HIP1R: variants seen among roughly 807,000 people sequenced by gnomAD.
HIP1R encodes the protein huntingtin interacting protein 1 related.
HIP1R carries 135 observed loss-of-function variants against 144.2 expected under a neutral mutation model. That is an observed-to-expected ratio of 0.94 (90% CI 0.81 to 1.08). The LOEUF is 1.08. HIP1R is among the 50% of genes least tolerant of loss of function. The probability of loss-of-function intolerance (pLI) is 0.00; values close to 1 mark genes in which losing one functional copy is unlikely to be tolerated. For missense variants in HIP1R, 1,462 were observed against 1,432.8 expected, an observed-to-expected ratio of 1.02 and a Z score of -0.33; for synonymous variants, 698 against 612.8, an observed-to-expected ratio of 1.14 and a Z score of -2.05.
In HIP1R at chr12:122,859,060, G is replaced by T; in HGVS notation, c.2159-1G>T. The T allele has an allele frequency of 6.2e-7, 1 of 1,606,016 alleles. No homozygotes were observed. The highest frequency in any genetic ancestry group is 2.2e-5 in the East Asian group (1 of 44,482). ...CCACTCACGGTCCTTTCTCACCCCA[G>T]GCCTCATAGACACCTGCAGGGAGTG... On this transcript the variant is annotated splice_acceptor_variant, in intron 21 of 31. Transcript: ENST00000253083. LOFTEE classifies it high-confidence loss of function.
chr12:122,860,251 C>A (rs1426574076), intron 26 of HIP1R, 41 bp downstream of exon 26: 2 of 1,535,826 alleles, frequency 1.3e-6, no homozygotes, highest in South Asian at 1.2e-5. Context: ...CACAAGGAGC[C>A]TGACCCCCAG....
At position 122,855,906 on chromosome 12, in the gene HIP1R, G is replaced by GC. The variant is rs11418615; in HGVS notation, c.1128+4dup. The GC allele has an allele frequency of 0.87, 1,342,822 of 1,549,706 alleles. 583,733 individuals are homozygous for GC. Among genetic ancestry groups the GC allele is most frequent in the Admixed American group, 0.92 (48,155 of 52,098 alleles). On this transcript the variant is annotated splice_donor_region_variant and intron_variant, in intron 13 of 31. Coordinates refer to ENST00000253083, the MANE Select transcript of HIP1R (RefSeq NM_003959.3). ...AACTGGAGAAGATCAAGCTGGAGGT[G>GC]CGGGGTGGGGATGGGTGGGGGCCAG...
chr12:122,861,325 G>A lies in HIP1R; in HGVS notation c.2970G>A (p.Leu990=). ...EMETQVRVLE[L]EKTLEAERMR... is the part of the protein sequence containing the mutation. ...GGCTACAGGTGCGTGTCCTGGAGCT[G>A]GAGAAGACGCTGGAGGCTGAACGCA... The change falls in exon 31 of 32, where the codon CTG becomes CTA. Residue 990 remains leucine, a synonymous_variant. Coordinates refer to ENST00000253083, the MANE Select transcript of HIP1R (RefSeq NM_003959.3). 6.2e-7 allele frequency: 1 copy of A among 1,613,758 alleles called. No individual in the cohort carries two copies. Among genetic ancestry groups the A allele is most frequent in the South Asian group, 1.1e-5 (1 of 91,084 alleles).
At chr12:122,853,085 G>A (rs2033447740) in intron 7 of HIP1R, among the ~76,000 whole-genome samples, 2 of 152,136 alleles carry the variant, frequency 1.3e-5, no homozygotes, top group African/African-American at 4.8e-5. Context: ...CTGTCTGGCC[G>A]CTCTCCCGTG....
intron 7 of HIP1R, among the ~76,000 whole-genome samples, chr12:122,853,010 G>T (rs1347987817): frequency 1.3e-5 from 2 of 152,140 alleles, no homozygotes; most frequent in Non-Finnish European, 2.9e-5. Context: ...TTTGCAAGTG[G>T]TCCCATCACA....
chr12:122,854,978 G>A lies in HIP1R; in HGVS notation c.776+16G>A, dbSNP rs1413857019. On this transcript the variant is annotated intron_variant, in intron 9 of 31. Transcript: ENST00000253083. ...AGTTTCACAGGTACTGCCTGGGACAGGGACAGGATTGAGGCCGGTGGGGGA... is the reference window on the plus strand; with the variant it reads ...AGTTTCACAGGTACTGCCTGGGACAAGGACAGGATTGAGGCCGGTGGGGGA... 1 of 1,613,096 alleles carries A rather than the reference G, an allele frequency of 6.2e-7. No homozygotes were observed. The highest frequency in any genetic ancestry group is 1.1e-5 in the South Asian group (1 of 91,076).
intron 22 of HIP1R, 49 bp downstream of exon 22, chr12:122,859,246 C>A: frequency 6.5e-7 from 1 of 1,544,434 alleles, no homozygotes; most frequent in Non-Finnish European, 8.8e-7. Flanking sequence ...CTGCCTCTGA[C>A]CTCTGCACCC....
chr12:122,838,017 TGCTGTG>T (rs2032956152), intron 1 of HIP1R, among the ~76,000 whole-genome samples: 1 of 132,936 alleles, frequency 7.5e-6, no homozygotes, highest in South Asian at 2.4e-4. Context: ...CAGCACTGTG[TGCTGTG>T]GCAGGAGCAC....
At chr12:122,851,634 A>C (rs950118373) in intron 7 of HIP1R, among the ~76,000 whole-genome samples, 4 of 151,740 alleles carry the variant, frequency 2.6e-5, no homozygotes, top group East Asian at 1.9e-4. Context: ...TGGGCGGCGG[A>C]GATCATGCCG....
At chr12:122,860,565 GCCAGTTGGA>G (rs753885547) in intron 27 of HIP1R, 42 bp downstream of exon 27, 28 of 1,584,894 alleles carry the variant, frequency 1.8e-5, no homozygotes, top group Non-Finnish European at 2.3e-5. Context: ...GCTGCTTCCT[GCCAGTTGGA>G]GCAGTTTGGG....
chr12:122,855,330 C>G lies in HIP1R; in HGVS notation c.918C>G (p.Pro306=). ...ACATCAAGCCGGTGGTGGTGATCCC[C>G]GAGGAGGCCCCGGAAGATGAGGAGC... ...AEHIKPVVVI[P]EEAPEDEEPE... The change falls in exon 11 of 32, where the codon CCC becomes CCG. Residue 306 remains proline, a synonymous_variant. Transcript: ENST00000253083. 2 of 1,611,494 alleles carry G rather than the reference C, an allele frequency of 1.2e-6. No individual in the cohort carries two copies. The highest frequency in any genetic ancestry group is 2.2e-5 in the East Asian group (1 of 44,774).
rs770963752 is a variant in HIP1R, at chr12:122,859,764, G to C, written c.2407-8G>C. 2.5e-6 allele frequency: 4 copies of C among 1,612,624 alleles called. No individual in the cohort carries two copies. The African/African-American group carries it at 5.3e-5, about 22-fold the overall frequency. ...CCAGCCAGCTCACGGCTCTGTTCTT[G>C]GGTGCAGGACATGATGAACCAGGCA... On this transcript the variant is annotated splice_polypyrimidine_tract_variant and splice_region_variant and intron_variant, in intron 23 of 31. Coordinates refer to ENST00000253083, the MANE Select transcript of HIP1R (RefSeq NM_003959.3).
chr12:122,838,774 G>T (rs766421644), intron 1 of HIP1R, among the ~76,000 whole-genome samples: 6 of 152,202 alleles, frequency 3.9e-5, no homozygotes, highest in Non-Finnish European at 5.9e-5. Context: ...GTCTTTAAAT[G>T]TGGACAAGGG....
upstream of HIP1R, chr12:122,834,928 T>C (rs548968897): frequency 7.0e-6 from 9 of 1,288,830 alleles, no homozygotes; most frequent in African/African-American, 1.1e-4. Context: ...AGCGTCTATC[T>C]GTGCTGCCAC....
rs1029898945 is a variant in HIP1R, at chr12:122,835,661, G to A, written c.93+18G>A. 4.1e-6 allele frequency: 4 copies of A among 966,864 alleles called. No individual in the cohort carries two copies. The highest frequency in any genetic ancestry group is 6.8e-5 in the African/African-American group (2 of 29,426). The allele number at this position is 966,864 out of a possible 1,614,324, so 59.9% of individuals were successfully genotyped here. A position where few individuals can be genotyped will look rare whatever the true frequency, so the allele number is the denominator to read the frequency against. On this transcript the variant is annotated intron_variant, in intron 1 of 31. Transcript: ENST00000253083. ...AGACCCAGGCGAGCGGGCGGCGGGC[G>A]GCGGGCGGCGGGCGGCGGCGGGCGG...
Position 122,857,276 on chromosome 12 carries a change from C to A in HIP1R, c.1815+61C>A, listed in dbSNP as rs1054007062. The A allele has an allele frequency of 1.0e-5, 15 of 1,442,542 alleles. No individual in the cohort carries two copies. In the South Asian group the frequency reaches 1.8e-4, roughly 18 times the overall value. 89.4% of individuals were successfully genotyped at this position (1,442,542 alleles called of 1,614,324 possible). ...TCACTGCCGTCTGGCAACCATCGATCTGTCTCCGTGATCTGCCTGTTCTAG... is the reference window on the plus strand; with the variant it reads ...TCACTGCCGTCTGGCAACCATCGATATGTCTCCGTGATCTGCCTGTTCTAG... On this transcript the variant is annotated intron_variant, in intron 18 of 31. Coordinates refer to ENST00000253083, the MANE Select transcript of HIP1R (RefSeq NM_003959.3).
chr12:122,850,918 C>T lies in HIP1R; in HGVS notation c.515+7C>T, dbSNP rs1344186903. ...GGACCGATGTCAACAACATGTGAGT[C>T]ACTCTGCATGGCTACATAGCCAGTT... is the stretch of plus-strand genomic sequence containing the variant. On this transcript the variant is annotated splice_region_variant and intron_variant, in intron 6 of 31. Transcript: ENST00000253083. 2.5e-6 allele frequency: 4 copies of T among 1,608,470 alleles called. No individual in the cohort carries two copies. The African/African-American group carries it at 5.4e-5, about 22-fold the overall frequency.
intron 19 of HIP1R, 48 bp from the exon 20 acceptor site, chr12:122,858,301 G>GC (rs1474271491): frequency 1.3e-6 from 2 of 1,587,498 alleles, no homozygotes; most frequent in Non-Finnish European, 8.6e-7. Context: ...CCCATCCCCA[G>GC]CCCTGAGCAG....
intron 20 of HIP1R, 52 bp from the exon 21 acceptor site, chr12:122,858,786 C>G (rs1002533700): frequency 1.6e-6 from 2 of 1,271,098 alleles, no homozygotes; most frequent in East Asian, 2.3e-5. Flanking sequence ...GGTCCCAGTG[C>G]TAGTGTCTCA....
Sources: gnomAD v4.1 joint callset for allele counts (sites outside exome capture counted in the v4.1 genomes callset) on GRCh38, gnomAD v4.1.1 for gene constraint, MANE v1.5 for transcripts, NCBI Gene and HGNC (gene_info 2026-07-23, HGNC 2026-07-21) for gene names.